Variants in GATA4 observed in about 807,000 individuals in gnomAD.
The protein encoded by GATA4 is GATA binding protein 4.
GATA4 carries 7 observed loss-of-function variants against 37.9 expected under a neutral mutation model. The ratio of observed to expected loss-of-function variants is 0.18; its 90% CI spans 0.11 to 0.35. The LOEUF is 0.35. Among genes scored for constraint, GATA4 ranks in the 10% least tolerant of loss-of-function variants. The pLI is 1.00. For synonymous variants in GATA4, 372 were observed against 292.6 expected, an observed-to-expected ratio of 1.27 and a Z score of -2.77; for missense variants, 647 against 653.0, an observed-to-expected ratio of 0.99 and a Z score of 0.10.
intron 2 of GATA4, among the ~76,000 whole-genome samples, chr8:11,724,730 G>T (rs1800835667): frequency 6.6e-6 from 1 of 152,198 alleles, no homozygotes; most frequent in Non-Finnish European, 1.5e-5. Flanking sequence ...GTGTGTGTGT[G>T]TGTATCAAAT....
At chr8:11,684,900 G>A (rs1291136407) in intron 1 of GATA4, among the ~76,000 whole-genome samples, 1 of 152,174 alleles carries the variant, frequency 6.6e-6, no homozygotes, top group Non-Finnish European at 1.5e-5. Context: ...ACTGCTGCTG[G>A]TGGTTGTGGA....
intron 2 of GATA4, among the ~76,000 whole-genome samples, chr8:11,712,577 C>A (rs1300324737): frequency 6.6e-6 from 1 of 151,734 alleles, no homozygotes; most frequent in Non-Finnish European, 1.5e-5. Context: ...GAAAAAGAGG[C>A]CAGGTGCAGT....
intron 2 of GATA4, among the ~76,000 whole-genome samples, chr8:11,743,434 C>G (rs1323216784): frequency 6.6e-6 from 1 of 152,224 alleles, no homozygotes; most frequent in East Asian, 1.9e-4. Context: ...ACCAGCTCTC[C>G]CCAGCAGGTG....
At chr8:11,680,881 A>T (rs1798945815) in intron 1 of GATA4, 9 of 983,860 alleles carry the variant, frequency 9.1e-6, no homozygotes, top group Non-Finnish European at 1.1e-5. Context: ...CTCAGTTGCG[A>T]CCCCCTGTGT....
At chr8:11,730,869 C>T (rs920933669) in intron 2 of GATA4, among the ~76,000 whole-genome samples, 1 of 152,236 alleles carries the variant, frequency 6.6e-6, no homozygotes, top group Admixed American at 6.5e-5. Flanking sequence ...CCTGACTTCC[C>T]CGGCCAGTGC....
At chr8:11,680,450 C>T (rs1269275216) in intron 1 of GATA4, 17 of 984,252 alleles carry the variant, frequency 1.7e-5, no homozygotes, top group East Asian at 1.1e-4. Context: ...CTCTCCGTTC[C>T]TGGCAAGGCC....
chr8:11,712,703 A>AAAAG, intron 2 of GATA4, among the ~76,000 whole-genome samples: 1 of 151,314 alleles, frequency 6.6e-6, no homozygotes, highest in South Asian at 2.1e-4. Context: ...AAAAAAAAAA[A>AAAAG]AAAAAAAATT....
At chr8:11,700,245 TGAGGAGGTCTACGAG>T, upstream of GATA4, among the ~76,000 whole-genome samples, 1 of 152,330 alleles carries the variant, frequency 6.6e-6, no homozygotes, top group African/African-American at 2.4e-5. Flanking sequence ...AGGAAGCATT[TGAGGAGGTCTACGAG>T]GGAGAAGATG....
intron 1 of GATA4, chr8:11,681,582 C>A: frequency 2.0e-6 from 1 of 494,854 alleles, no homozygotes; most frequent in Non-Finnish European, 2.6e-6. Flanking sequence ...CCTCCTCCAC[C>A]CCACTCGCTG....
intron 1 of GATA4, among the ~76,000 whole-genome samples, chr8:11,696,985 G>T (rs1463478448): frequency 6.6e-6 from 1 of 152,214 alleles, no homozygotes; most frequent in Non-Finnish European, 1.5e-5. Flanking sequence ...ACTGGCGGAG[G>T]CCCCCCGGGG....
rs144387555 is a variant in GATA4, at chr8:11,749,450, G to A, written c.786+365G>A. ...CCTCCACCCACACCAACCCTGCAAGGAAGGTCACCTCAGAGGCTGGTCTCT... is the reference window on the plus strand; with the variant it reads ...CCTCCACCCACACCAACCCTGCAAGAAAGGTCACCTCAGAGGCTGGTCTCT... On this transcript the variant is annotated intron_variant, in intron 3 of 6. Coordinates refer to ENST00000532059, the MANE Select transcript of GATA4 (RefSeq NM_001308093.3). The surrounding 1 kb of genome is among the most constrained non-coding windows in gnomAD (Gnocchi z 4.6). 1.1e-3 allele frequency among the ~76,000 whole-genome samples: 172 copies of A among 152,246 alleles called. 2 individuals are homozygous for A. Among genetic ancestry groups the A allele is most frequent in the Middle Eastern group, 0.01 (3 of 294 alleles).
intron 2 of GATA4, among the ~76,000 whole-genome samples, chr8:11,725,446 C>T (rs1482705649): frequency 6.6e-6 from 1 of 152,262 alleles, no homozygotes; most frequent in Non-Finnish European, 1.5e-5. Flanking sequence ...AAGCCTCCGG[C>T]TCCGGGCACA....
chr8:11,729,318 C>G (rs540534317), intron 2 of GATA4, among the ~76,000 whole-genome samples: 5 of 152,040 alleles, frequency 3.3e-5, no homozygotes, highest in Non-Finnish European at 7.4e-5. Context: ...GCCTGTAATC[C>G]CAGCACTTTG....
intron 1 of GATA4, among the ~76,000 whole-genome samples, chr8:11,696,958 G>A (rs1471201887): frequency 6.6e-6 from 1 of 152,246 alleles, no homozygotes; most frequent in Non-Finnish European, 1.5e-5. Context: ...CTGGGGGAGG[G>A]GTGGACTTTG....
intron 1 of GATA4, among the ~76,000 whole-genome samples, chr8:11,693,562 C>CACAGAGAGAGAGAG (rs1405047773): frequency 1.2e-4 from 9 of 72,228 alleles, no homozygotes; most frequent in South Asian, 1.4e-3. Context: ...CACACACACA[C>CACAGAGAGAGAGAG]AGAGAGAGAG....
At chr8:11,679,010 A>T (rs1798867938) in intron 1 of GATA4, among the ~76,000 whole-genome samples, 1 of 152,216 alleles carries the variant, frequency 6.6e-6, no homozygotes, top group African/African-American at 2.4e-5. Flanking sequence ...TATATTTGCC[A>T]AGTGATTTAT....
intron 2 of GATA4, among the ~76,000 whole-genome samples, chr8:11,742,523 G>C (rs1295397201): frequency 2.6e-5 from 4 of 152,150 alleles, no homozygotes; most frequent in Non-Finnish European, 1.5e-5. Flanking sequence ...CTTTATAAGG[G>C]TCAGAAGCAG....
At chr8:11,719,533 A>G (rs1378570639) in intron 2 of GATA4, among the ~76,000 whole-genome samples, 1 of 152,156 alleles carries the variant, frequency 6.6e-6, no homozygotes, top group Non-Finnish European at 1.5e-5. Flanking sequence ...ATTTTATGAA[A>G]CTCAATGTAT....
upstream of GATA4, among the ~76,000 whole-genome samples, chr8:11,703,513 A>G (rs1431841043): frequency 6.6e-6 from 1 of 152,142 alleles, no homozygotes; most frequent in Non-Finnish European, 1.5e-5. Context: ...CAGGCTGCAG[A>G]AAAAAGGGGG....
Sources: allele counts gnomAD v4.1 joint callset (sites outside exome capture counted in the v4.1 genomes callset), GRCh38; gene constraint gnomAD v4.1.1; non-coding constraint Gnocchi (gnomAD v3.1); transcripts MANE v1.5; gene names NCBI Gene and HGNC (gene_info 2026-07-23, HGNC 2026-07-21).